The following SLC16A7 variants were observed in gnomAD, a reference collection of about 807,000 sequenced individuals.
SLC16A7 encodes monocarboxylate transporter 2.
In SLC16A7, 33 loss-of-function variants were observed where a neutral mutation model predicts 34.9. That is an observed-to-expected ratio of 0.94 (90% confidence interval 0.72 to 1.26). The LOEUF is 1.26. Ranked by LOEUF, SLC16A7 falls within the 50% of genes most tolerant of loss-of-function variation. The pLI, the probability that SLC16A7 is intolerant of heterozygous loss-of-function variation, is 0.00. For synonymous variants in SLC16A7, 201 were observed against 206.6 expected (o/e 0.97, Z 0.23); for missense variants, 573 against 578.1 (o/e 0.99, Z 0.09).
chr12:59,673,565 T>C (rs1272719361), intron 2 of SLC16A7, among the ~76,000 whole-genome samples: 1 of 152,068 alleles, frequency 6.6e-6, no homozygotes, highest in Non-Finnish European at 1.5e-5. Context: ...AATTAGTATA[T>C]TTTCTTCTCT....
intron 1 of SLC16A7, among the ~76,000 whole-genome samples, chr12:59,609,121 G>A (rs956826253): frequency 5.9e-5 from 9 of 152,306 alleles, no homozygotes; most frequent in South Asian, 2.1e-4. Flanking sequence ...AAGAATCACC[G>A]AGTGAGTTCC....
At chr12:59,746,316 G>C (rs928358100) in intron 3 of SLC16A7, among the ~76,000 whole-genome samples, 1 of 152,160 alleles carries the variant, frequency 6.6e-6, no homozygotes, top group South Asian at 2.1e-4. Flanking sequence ...AATGAAATCA[G>C]CAATACAAGA....
intron 3 of SLC16A7, among the ~76,000 whole-genome samples, chr12:59,758,589 GAGAT>G (rs1275497175): frequency 7.2e-5 from 11 of 151,984 alleles, no homozygotes; most frequent in African/African-American, 1.7e-4. Flanking sequence ...AACAAAAAAA[GAGAT>G]AGACCCAGCA....
At chr12:59,685,089 G>T (rs955584835) in intron 2 of SLC16A7, among the ~76,000 whole-genome samples, 1 of 152,114 alleles carries the variant, frequency 6.6e-6, no homozygotes, top group South Asian at 2.1e-4. Context: ...TTTTCTCTGT[G>T]TTTAGGATGA....
chr12:59,757,300 G>A (rs1353815276), intron 3 of SLC16A7, among the ~76,000 whole-genome samples: 1 of 151,384 alleles, frequency 6.6e-6, no homozygotes, highest in African/African-American at 2.4e-5. Flanking sequence ...AATACCTAAT[G>A]TAGGTGACGG....
At chr12:59,612,972 C>A (rs895322093) in intron 1 of SLC16A7, among the ~76,000 whole-genome samples, 5 of 152,234 alleles carry the variant, frequency 3.3e-5, no homozygotes, top group Admixed American at 6.5e-5. Flanking sequence ...CTGCCTATTA[C>A]CCAGTTCCAA....
rs772241154 is a variant in SLC16A7 at position 59,596,609 on chromosome 12, C to T, written c.-130+373C>T. On this transcript the variant is annotated intron_variant, in intron 1 of 5. Coordinates refer to ENST00000547379, the MANE Select transcript of SLC16A7 (RefSeq NM_001270623.2). This position sits in a 1 kb window ranked among gnomAD's most constrained non-coding sequence, Gnocchi z 5.0. ...GCGCGGTGCACCCCAGTCTCCCTGG[C>T]TCACGGGACTCCGAGGGCTGCTTCC... Among the ~76,000 whole-genome samples the T allele has an allele frequency of 6.6e-5, 10 of 151,992 alleles. No individual in the cohort carries two copies. The highest frequency in any genetic ancestry group is 1.5e-4 in the Non-Finnish European group (10 of 67,976).
chr12:59,678,494 G>A (rs757635823), intron 2 of SLC16A7, among the ~76,000 whole-genome samples: 2 of 152,148 alleles, frequency 1.3e-5, no homozygotes, highest in South Asian at 2.1e-4. Context: ...TGGTAGTTCC[G>A]ATGTCTGCTC....
At chr12:59,745,621 T>C (rs1287251744) in intron 3 of SLC16A7, among the ~76,000 whole-genome samples, 1 of 152,160 alleles carries the variant, frequency 6.6e-6, no homozygotes, top group African/African-American at 2.4e-5. Context: ...CAAAGTAACA[T>C]GCCATAATAT....
At chr12:59,666,021 A>G (rs1167960327) in intron 2 of SLC16A7, among the ~76,000 whole-genome samples, 1 of 152,134 alleles carries the variant, frequency 6.6e-6, no homozygotes, top group Non-Finnish European at 1.5e-5. Flanking sequence ...TTCAAACTGA[A>G]ATTAAATGTC....
At chr12:59,777,701 G>T (rs1453309970) in intron 5 of SLC16A7, among the ~76,000 whole-genome samples, 1 of 151,350 alleles carries the variant, frequency 6.6e-6, no homozygotes, top group Non-Finnish European at 1.5e-5. Flanking sequence ...TGTGCACAAT[G>T]TGCAGGTTAG....
chr12:59,709,144 G>A (rs1873930141), intron 3 of SLC16A7, among the ~76,000 whole-genome samples: 1 of 151,486 alleles, frequency 6.6e-6, no homozygotes, highest in Admixed American at 6.6e-5. Flanking sequence ...TCTATATATG[G>A]TTACCTCTAC....
At chr12:59,670,564 C>T (rs1258463029) in intron 2 of SLC16A7, among the ~76,000 whole-genome samples, 2 of 152,094 alleles carry the variant, frequency 1.3e-5, no homozygotes, top group Admixed American at 1.3e-4. Context: ...ACAGCCCATC[C>T]CAGAGCAAAA....
chr12:59,689,881 T>C (rs541239956), intron 2 of SLC16A7, among the ~76,000 whole-genome samples: 1 of 152,024 alleles, frequency 6.6e-6, no homozygotes, highest in South Asian at 2.1e-4. Flanking sequence ...AGCTATGCTC[T>C]AAGGAATTCT....
At chr12:59,733,890 G>C in intron 3 of SLC16A7, 1 of 451,160 alleles carries the variant, frequency 2.2e-6, no homozygotes. Flanking sequence ...CCCAAAGTGG[G>C]TATCTCCTTC....
chr12:59,670,664 T>G (rs570293438), intron 2 of SLC16A7, among the ~76,000 whole-genome samples: 2 of 152,128 alleles, frequency 1.3e-5, no homozygotes, highest in Non-Finnish European at 2.9e-5. Flanking sequence ...ATAGACATAC[T>G]CATTCCAAAA....
intron 3 of SLC16A7, among the ~76,000 whole-genome samples, chr12:59,713,010 T>C (rs1451580762): frequency 6.6e-6 from 1 of 152,004 alleles, no homozygotes; most frequent in South Asian, 2.1e-4. Context: ...TCTTTTCTTT[T>C]CTTTTTTTTT....
chr12:59,656,111 C>G (rs1296307412), intron 2 of SLC16A7, among the ~76,000 whole-genome samples: 1 of 151,872 alleles, frequency 6.6e-6, no homozygotes, highest in Admixed American at 6.6e-5. Context: ...GTGAACAATT[C>G]CTAGACCAAC....
chr12:59,765,751 T>C (rs1002858653), intron 3 of SLC16A7, among the ~76,000 whole-genome samples: 5 of 152,182 alleles, frequency 3.3e-5, no homozygotes, highest in African/African-American at 9.7e-5. Context: ...TAGTATAGTT[T>C]GAAGTCAGGT....
Sources: allele counts gnomAD v4.1 joint callset (sites outside exome capture counted in the v4.1 genomes callset), GRCh38; gene constraint gnomAD v4.1.1; non-coding constraint Gnocchi (gnomAD v3.1); transcripts MANE v1.5; gene names NCBI Gene and HGNC (gene_info 2026-07-23, HGNC 2026-07-21).